SSUH2: variants seen among roughly 807,000 people sequenced by gnomAD.
The protein encoded by SSUH2 is ssu-2 homolog.
A neutral mutation model predicts 55.3 loss-of-function variants in SSUH2; 47 were observed. That is an observed-to-expected ratio of 0.85 (90% CI 0.67 to 1.08). SSUH2 has a LOEUF of 1.08. Among genes scored for constraint, SSUH2 ranks in the 50% least tolerant of loss-of-function variants. The probability of loss-of-function intolerance (pLI) is 0.00; values close to 1 mark genes in which losing one functional copy is unlikely to be tolerated. For synonymous variants in SSUH2, 212 were observed against 191.5 expected (o/e 1.11, Z -0.89); for missense variants, 535 against 490.7 (o/e 1.09, Z -0.85).
chr3:8,678,975 G>GATGGC (rs1559568322), intron 2 of SSUH2, among the ~76,000 whole-genome samples: 1 of 107,690 alleles, frequency 9.3e-6, no homozygotes, highest in Non-Finnish European at 2.2e-5. Flanking sequence ...TCGCAGGGCG[G>GATGGC]AGAGTCACCC....
In SSUH2 at chr3:8,679,074, C is replaced by CTGAGAGG. The variant is rs1559569551; in HGVS notation, c.-901+630_-901+631insCCTCTCA. On this transcript the variant is annotated intron_variant, in intron 2 of 18. Coordinates refer to the SSUH2 transcript ENST00000317371. ...AGGGGAGGAAGCACCCCCCGCGAGG[C>CTGAGAGG]GGGGACTGAGAGCAAGCACCTCTTT... Among the ~76,000 whole-genome samples the CTGAGAGG allele has an allele frequency of 2.3e-3, 241 of 104,694 alleles. 49 individuals are homozygous for CTGAGAGG. Among genetic ancestry groups the CTGAGAGG allele is most frequent in the African/African-American group, 7.6e-3 (232 of 30,498 alleles). The allele number at this position is 104,694 out of a possible 152,430, so 68.7% of individuals were successfully genotyped here.
chr3:8,640,623 A>G (rs1181115116), intron 1 of SSUH2, among the ~76,000 whole-genome samples: 1 of 152,166 alleles, frequency 6.6e-6, no homozygotes, highest in East Asian at 1.9e-4. Flanking sequence ...GAACACAGAG[A>G]AAAAAGGAAG....
At chr3:8,674,778 C>T (rs1336255181) in intron 3 of SSUH2, among the ~76,000 whole-genome samples, 3 of 152,082 alleles carry the variant, frequency 2.0e-5, no homozygotes, top group Non-Finnish European at 4.4e-5. Context: ...CATTATGACC[C>T]TTACGGTCCC....
At chr3:8,658,301 C>G (rs1033784809) in intron 7 of SSUH2, among the ~76,000 whole-genome samples, 1 of 152,208 alleles carries the variant, frequency 6.6e-6, no homozygotes, top group Non-Finnish European at 1.5e-5. Flanking sequence ...TAAAATTAAA[C>G]CTTTATTGCT....
chr3:8,645,856 C>A (rs1015768011), upstream of SSUH2, among the ~76,000 whole-genome samples: 1 of 152,222 alleles, frequency 6.6e-6, no homozygotes, highest in Non-Finnish European at 1.5e-5. Context: ...CCTTCACCCT[C>A]GTCACTGACT....
At chr3:8,680,057 C>A (rs56174965) in intron 1 of SSUH2, among the ~76,000 whole-genome samples, 3 of 151,958 alleles carry the variant, frequency 2.0e-5, no homozygotes, top group Non-Finnish European at 4.4e-5. Flanking sequence ...TGGGGCTACC[C>A]GATCTGACAA....
intron 3 of SSUH2, 155 bp from the exon 4 acceptor site, chr3:8,633,950 G>GT: frequency 1.2e-6 from 2 of 1,613,594 alleles, no homozygotes; most frequent in Non-Finnish European, 1.7e-6. Context: ...TCCTGCAAAG[G>GT]GGACCATGTG....
At chr3:8,652,868 C>A (rs1481058419) in intron 7 of SSUH2, among the ~76,000 whole-genome samples, 1 of 152,204 alleles carries the variant, frequency 6.6e-6, no homozygotes, top group African/African-American at 2.4e-5. Context: ...TCAGGCCACT[C>A]TCCACAGGTC....
intron 8 of SSUH2, among the ~76,000 whole-genome samples, chr3:8,626,539 C>T: frequency 2.8e-4 from 2 of 7,124 alleles, no homozygotes; most frequent in Admixed American, 3.0e-3. Flanking sequence ...TAGGGCCTGC[C>T]CCCCCCCCTC....
At chr3:8,638,182 T>C (rs1223495695) in intron 1 of SSUH2, among the ~76,000 whole-genome samples, 2 of 152,068 alleles carry the variant, frequency 1.3e-5, no homozygotes, top group Non-Finnish European at 2.9e-5. Context: ...TCCACTGTAG[T>C]TTCTGTCAGC....
chr3:8,666,037 G>C (rs992106442), intron 5 of SSUH2, among the ~76,000 whole-genome samples: 1 of 152,164 alleles, frequency 6.6e-6, no homozygotes, highest in African/African-American at 2.4e-5. Context: ...ACTCAAGCTT[G>C]AGCTCCCAAA....
chr3:8,665,652 C>A (rs1703924730), intron 5 of SSUH2, among the ~76,000 whole-genome samples: 1 of 152,160 alleles, frequency 6.6e-6, no homozygotes, highest in South Asian at 2.1e-4. Flanking sequence ...CCCCCGTTCA[C>A]CAACGCAAAA....
chr3:8,638,875 A>G (rs1221464583), intron 1 of SSUH2, among the ~76,000 whole-genome samples: 1 of 152,182 alleles, frequency 6.6e-6, no homozygotes, highest in Non-Finnish European at 1.5e-5. Context: ...TGGGGCATCA[A>G]TACTCCTCTT....
intron 3 of SSUH2, chr3:8,634,030 T>C: frequency 7.2e-7 from 1 of 1,383,354 alleles, no homozygotes; most frequent in East Asian, 2.5e-5. Context: ...AGTTGAAATG[T>C]GGAGCTTAGG....
intron 11 of SSUH2, among the ~76,000 whole-genome samples, chr3:8,620,440 C>T (rs1032278335): frequency 1.3e-5 from 2 of 152,186 alleles, no homozygotes; most frequent in African/African-American, 4.8e-5. Flanking sequence ...AAAACTCTTT[C>T]CTGTATAAAT....
intron 3 of SSUH2, chr3:8,634,585 A>C (rs2125196072): frequency 1.6e-6 from 2 of 1,289,760 alleles, no homozygotes; most frequent in Non-Finnish European, 2.0e-6. Context: ...GGATGGCAGC[A>C]CAAGAGACAC....
In SSUH2 at chr3:8,660,475, T is replaced by C. The variant is rs575821310; in HGVS notation, c.-395-1462A>G. On this transcript the variant is annotated intron_variant, in intron 6 of 18. Coordinates refer to the SSUH2 transcript ENST00000317371. ...GTTTTCCTCTGTCTAGCAATCTCAC[T>C]TCAAGAACAGTTATAAGATAACACT... Among the ~76,000 whole-genome samples, 2 of 152,300 alleles carry C rather than the reference T, an allele frequency of 1.3e-5. 1 individual carries two copies. Among genetic ancestry groups the C allele is most frequent in the African/African-American group, 4.8e-5 (2 of 41,564 alleles).
At chr3:8,668,608 T>G (rs1163621828) in intron 5 of SSUH2, among the ~76,000 whole-genome samples, 1 of 152,226 alleles carries the variant, frequency 6.6e-6, no homozygotes, top group African/African-American at 2.4e-5. Flanking sequence ...CACTGCAGCA[T>G]GCATAAACAA....
At chr3:8,669,067 A>G (rs529261737) in intron 5 of SSUH2, among the ~76,000 whole-genome samples, 6 of 152,288 alleles carry the variant, frequency 3.9e-5, no homozygotes, top group Non-Finnish European at 7.4e-5. Flanking sequence ...ACGTACCCCA[A>G]ATGAATCTCA....
Sources: allele counts gnomAD v4.1 joint callset (sites outside exome capture counted in the v4.1 genomes callset), GRCh38; gene constraint gnomAD v4.1.1; transcripts MANE v1.5; gene names NCBI Gene and HGNC (gene_info 2026-07-23, HGNC 2026-07-21).